Variants in MPRIP observed in about 807,000 individuals in gnomAD.
MPRIP encodes myosin phosphatase Rho-interacting protein.
A neutral mutation model predicts 234.9 loss-of-function variants in MPRIP; 59 were observed. The ratio of observed to expected loss-of-function variants is 0.25; its 90% CI spans 0.20 to 0.31. MPRIP has a LOEUF of 0.31. Ranked by LOEUF, MPRIP falls within the 10% of genes least tolerant of loss-of-function variation. The pLI is 1.00. For synonymous variants in MPRIP, 1,144 were observed against 1,263.9 expected (o/e 0.91, Z 2.01); for missense variants, 2,436 against 3,071.0 (o/e 0.79, Z 4.89).
chr17:17,167,469 A>C lies in MPRIP; in HGVS notation c.5878A>C (p.Thr1960Pro). The C allele has an allele frequency of 7.7e-7, 1 of 1,304,136 alleles. No homozygotes were observed. Among genetic ancestry groups the C allele is most frequent in the Non-Finnish European group, 1.0e-6 (1 of 988,932 alleles). 80.8% of individuals were successfully genotyped at this position (1,304,136 alleles called of 1,614,324 possible). The change falls in exon 16 of 24, where the codon ACC becomes CCC. Residue 1960 changes from threonine to proline, a missense_variant. Physicochemically the swap from Thr to Pro is conservative, Grantham distance 38. This residue lies in a region of MPRIP where 1,998 missense variants were observed against 2,520.3 expected (regional missense o/e 0.79). Coordinates refer to ENST00000651222, the MANE Select transcript of MPRIP (RefSeq NM_001364716.4). The surrounding 1 kb of genome is among the most constrained non-coding windows in gnomAD (Gnocchi z 5.9). The part of the protein sequence containing the change: ...EEIRCVVEQL[T>P]RTESTLQAER... ...GATTCGGTGTGTGGTGGAGCAGCTG[A>C]CCAGGACCGAGAGCACACTGCAGGC...
intron 3 of MPRIP, among the ~76,000 whole-genome samples, chr17:17,098,565 C>T (rs1429216524): frequency 2.0e-5 from 3 of 152,132 alleles, no homozygotes; most frequent in Admixed American, 6.5e-5. Context: ...GGCGTGGCAT[C>T]GGTGCAGGCC....
chr17:17,137,302 T>C (rs1393758051), intron 6 of MPRIP, among the ~76,000 whole-genome samples: 1 of 151,922 alleles, frequency 6.6e-6, no homozygotes, highest in Non-Finnish European at 1.5e-5. Flanking sequence ...ACACCTGAGG[T>C]CAGGAGTTTG....
intron 3 of MPRIP, among the ~76,000 whole-genome samples, chr17:17,111,069 G>T (rs1463582758): frequency 6.7e-6 from 1 of 150,134 alleles, no homozygotes; most frequent in Non-Finnish European, 1.5e-5. Context: ...AGGTGTAGGA[G>T]AACTCTTCAC....
chr17:17,155,862 G>A (rs2045717445), intron 13 of MPRIP, among the ~76,000 whole-genome samples: 2 of 152,224 alleles, frequency 1.3e-5, no homozygotes, highest in South Asian at 4.1e-4. Context: ...GCCACATCCT[G>A]TGGTGGCCTC....
At chr17:17,126,985 C>G in intron 4 of MPRIP, 132 bp downstream of exon 4, 1 of 1,104,134 alleles carries the variant, frequency 9.1e-7, no homozygotes, top group African/African-American at 1.6e-5. Context: ...GGCTCTGTCT[C>G]TGTTCTCAAC....
At chr17:17,122,394 C>A (rs1442417245) in intron 3 of MPRIP, among the ~76,000 whole-genome samples, 1 of 152,238 alleles carries the variant, frequency 6.6e-6, no homozygotes, top group Non-Finnish European at 1.5e-5. Context: ...CGCTCCATCA[C>A]CCAGGCTGGA....
intron 3 of MPRIP, among the ~76,000 whole-genome samples, chr17:17,101,661 A>G (rs1244403423): frequency 5.3e-5 from 8 of 152,280 alleles, no homozygotes; most frequent in Admixed American, 5.2e-4. Flanking sequence ...ACAGTAGTGT[A>G]GACAGCAGTG....
chr17:17,163,301 C>A (rs1250434390), intron 15 of MPRIP, among the ~76,000 whole-genome samples: 1 of 152,186 alleles, frequency 6.6e-6, no homozygotes, highest in Non-Finnish European at 1.5e-5. Context: ...GATTCTTAGG[C>A]TGGGCTCGGC....
At chr17:17,110,207 G>A (rs542437250) in intron 3 of MPRIP, among the ~76,000 whole-genome samples, 1 of 152,114 alleles carries the variant, frequency 6.6e-6, no homozygotes, top group East Asian at 1.9e-4. Flanking sequence ...ACACACCAGC[G>A]CCCATTTGCC....
rs59963766 is a variant in MPRIP at position 17,122,011 on chromosome 17, C to T, written c.268-4691C>T. ...ATTATCTCATTCTTTTTTATGACTA[C>T]ATAATATTCCATGGTGTATATATAT... On this transcript the variant is annotated intron_variant, in intron 3 of 23. Coordinates refer to ENST00000651222, the MANE Select transcript of MPRIP (RefSeq NM_001364716.4). 8.5e-5 allele frequency among the ~76,000 whole-genome samples: 13 copies of T among 152,332 alleles called. No individual in the cohort carries two copies. The East Asian group carries it at 2.5e-3, about 29-fold the overall frequency.
At chr17:17,047,500 A>G (rs1216519869) in intron 1 of MPRIP, among the ~76,000 whole-genome samples, 1 of 152,160 alleles carries the variant, frequency 6.6e-6, no homozygotes, top group Non-Finnish European at 1.5e-5. Context: ...TAGCTTTTTA[A>G]TCTATCAGAC....
At chr17:17,169,148 A>G (rs1220490576) in intron 16 of MPRIP, 1 of 385,402 alleles carries the variant, frequency 2.6e-6, no homozygotes, top group Admixed American at 3.0e-5. Context: ...AGGTTTCAAC[A>G]GCTATGTTTT....
Position 17,176,518 on chromosome 17 carries a change from G to A in MPRIP, c.6957+6G>A, listed in dbSNP as rs1157760086. The stretch of plus-strand genomic sequence containing the variant: ...AGCTGCAGACGGCACTGCGGGTAAG[G>A]CCACCGCACCACAGGAGGGCGGGTA... On this transcript the variant is annotated splice_donor_region_variant and intron_variant, in intron 21 of 23. Transcript: ENST00000651222. The A allele has an allele frequency of 1.9e-6, 3 of 1,610,884 alleles. No individual in the cohort carries two copies. Among genetic ancestry groups the A allele is most frequent in the Non-Finnish European group, 2.5e-6 (3 of 1,177,392 alleles).
At chr17:17,057,609 A>T (rs1047004011) in intron 1 of MPRIP, 1 of 718,078 alleles carries the variant, frequency 1.4e-6, no homozygotes, top group Non-Finnish European at 2.6e-6. Flanking sequence ...CACTGTTACC[A>T]GTTTTCAACC....
At position 17,071,881 on chromosome 17, in the gene MPRIP, A is replaced by G. The variant is rs2089202896; in HGVS notation, c.124-3829A>G. On this transcript the variant is annotated intron_variant, in intron 1 of 23. Coordinates refer to ENST00000651222, the MANE Select transcript of MPRIP (RefSeq NM_001364716.4). Reference sequence around the variant, plus strand: ...CCTTACAGCCCAGCTCAGATCCCCCATGTCAACAACAGATACCTGCTTCTC... The same window carrying G: ...CCTTACAGCCCAGCTCAGATCCCCCGTGTCAACAACAGATACCTGCTTCTC... 3.3e-5 allele frequency among the ~76,000 whole-genome samples: 5 copies of G among 152,246 alleles called. No homozygotes were observed. In the South Asian group the frequency reaches 1.0e-3, roughly 32 times the overall value.
intron 1 of MPRIP, among the ~76,000 whole-genome samples, chr17:17,046,697 C>T (rs983173623): frequency 2.6e-5 from 4 of 152,122 alleles, no homozygotes; most frequent in Non-Finnish European, 4.4e-5. Context: ...TAGGAGCTTT[C>T]TATAAGTGCT....
rs1470684700 is a variant in MPRIP at position 17,167,176 on chromosome 17, A to C, written c.5585A>C (p.Glu1862Ala). Residue 1862 changes from glutamate (E) to alanine (A), a missense_variant, in exon 16 of 24, where the codon GAG becomes GCG. Physicochemically the swap from Glu to Ala is moderately radical, Grantham distance 107 (BLOSUM62 -1). This residue lies in a region of MPRIP where 1,998 missense variants were observed against 2,520.3 expected (regional missense o/e 0.79). Coordinates refer to ENST00000651222, the MANE Select transcript of MPRIP (RefSeq NM_001364716.4). This position sits in a 1 kb window ranked among gnomAD's most constrained non-coding sequence, Gnocchi z 5.9. ...SCRIRLEYEK[E>A]LQLCKESWQT... is the part of the protein sequence containing the mutation. ...AGAATCCGGCTAGAATATGAGAAGG[A>C]GCTCCAGCTCTGCAAGGAGTCCTGG... The C allele has an allele frequency of 3.1e-6, 4 of 1,303,942 alleles. No homozygotes were observed. In the African/African-American group the frequency reaches 4.6e-5, roughly 15 times the overall value. The allele number at this position is 1,303,942 out of a possible 1,614,324, so 80.8% of individuals were successfully genotyped here.
intron 3 of MPRIP, among the ~76,000 whole-genome samples, chr17:17,111,351 G>A (rs780156440): frequency 2.6e-5 from 4 of 152,148 alleles, no homozygotes; most frequent in Non-Finnish European, 5.9e-5. Context: ...GAAGGACAGG[G>A]AAGACCAGCA....
intron 3 of MPRIP, among the ~76,000 whole-genome samples, chr17:17,106,609 C>T (rs1030113416): frequency 1.3e-5 from 2 of 152,208 alleles, no homozygotes; most frequent in Non-Finnish European, 2.9e-5. Flanking sequence ...CTGGTGAAGG[C>T]TGGCCAGGCC....
Sources: allele counts gnomAD v4.1 joint callset (sites outside exome capture counted in the v4.1 genomes callset), GRCh38; gene constraint gnomAD v4.1.1; regional missense constraint gnomAD v4.1.1; non-coding constraint Gnocchi (gnomAD v3.1); transcripts MANE v1.5; gene names NCBI Gene and HGNC (gene_info 2026-07-23, HGNC 2026-07-21).